MAP3K21: variants seen among roughly 807,000 people sequenced by gnomAD.
MAP3K21 encodes the protein mitogen-activated protein kinase kinase kinase 21.
Under a neutral mutation model 86.1 loss-of-function variants are expected in MAP3K21, and 63 were observed. That is an observed-to-expected ratio of 0.73 (90% CI 0.60 to 0.90). The LOEUF (loss-of-function observed/expected upper bound fraction) is 0.90. Among genes scored for constraint, MAP3K21 ranks in the 40% least tolerant of loss-of-function variants. The probability of loss-of-function intolerance (pLI) is 0.00; values close to 1 mark genes in which losing one functional copy is unlikely to be tolerated. For missense variants in MAP3K21, 1,220 were observed against 1,367.7 expected (o/e 0.89, Z 1.70); for synonymous variants, 558 against 564.8 (o/e 0.99, Z 0.17).
Position 233,382,747 on chromosome 1 carries a change from A to G in MAP3K21, c.*36A>G. 1 of 1,565,938 alleles carries G rather than the reference A, an allele frequency of 6.4e-7. No individual in the cohort carries two copies. Among genetic ancestry groups the G allele is most frequent in the Non-Finnish European group, 8.7e-7 (1 of 1,143,576 alleles). On this transcript the variant is annotated 3_prime_UTR_variant, in exon 10 of 10. Coordinates refer to ENST00000366624, the MANE Select transcript of MAP3K21 (RefSeq NM_032435.3). ...TTACTGTTGTTTAAGCATTTTTTTA[A>G]GGTGAACAAATGAACACAATGTATC... is the stretch of plus-strand genomic sequence containing the variant.
rs1160524491 is a variant in MAP3K21, at chr1:233,379,706, C to G, written c.2700C>G (p.Thr900=). The change falls in exon 9 of 10, where the codon ACC becomes ACG. Residue 900 remains threonine, a synonymous_variant. Coordinates refer to ENST00000366624, the MANE Select transcript of MAP3K21 (RefSeq NM_032435.3). ...HRRTMSDGNP[T]PTGATIISAT... is the part of the protein sequence containing the mutation. ...GGACCATGTCTGATGGAAATCCGAC[C>G]CCAAGTAGGTTGCATTAATTAGGTA... 2.5e-6 allele frequency: 4 copies of G among 1,607,126 alleles called. No individual in the cohort carries two copies.
chr1:233,352,694 G>A (rs1183463305), intron 2 of MAP3K21, among the ~76,000 whole-genome samples: 1 of 152,142 alleles, frequency 6.6e-6, no homozygotes, highest in Non-Finnish European at 1.5e-5. Flanking sequence ...GCCTCCCAAG[G>A]TGCTGGGATT....
rs1262642191 is a variant in MAP3K21, at chr1:233,328,760, A to T, written c.732A>T (p.Ile244=). The change falls in exon 1 of 10, where the codon ATA becomes ATT. Residue 244 remains isoleucine (I), a synonymous_variant. Coordinates refer to ENST00000366624, the MANE Select transcript of MAP3K21 (RefSeq NM_032435.3). The surrounding 1 kb of genome is among the most constrained non-coding windows in gnomAD (Gnocchi z 8.7). The part of the protein sequence containing the change: ...PHVLVNWAVQ[I]ARGMLYLHEE... ...TGCTGGTCAACTGGGCCGTGCAGAT[A>T]GCGCGGGGCATGCTCTACCTGCATG... The T allele has an allele frequency of 8.5e-6, 13 of 1,533,812 alleles. No homozygotes were observed. The highest frequency in any genetic ancestry group is 1.4e-5 in the African/African-American group (1 of 70,450).
chr1:233,352,555 C>T (rs9645291), intron 2 of MAP3K21, among the ~76,000 whole-genome samples: 24,850 of 151,832 alleles, frequency 0.16, 2,130 homozygotes, highest in East Asian at 0.22. Flanking sequence ...CTCAACTTCC[C>T]GAGTTGTTGG....
chr1:233,375,845 G>C (rs1348827889), intron 6 of MAP3K21, 71 bp from the exon 7 acceptor site: 2 of 1,243,052 alleles, frequency 1.6e-6, no homozygotes, highest in African/African-American at 3.0e-5. Flanking sequence ...GATTCATTTA[G>C]CTTTTTTAAC....
chr1:233,348,216 A>G (rs73094916), intron 2 of MAP3K21, among the ~76,000 whole-genome samples: 5,372 of 152,208 alleles, frequency 0.035, 264 homozygotes, highest in African/African-American at 0.1. Context: ...GTTTATTCTG[A>G]ACATTTTATG....
chr1:233,335,177 C>T (rs149796854), intron 1 of MAP3K21, among the ~76,000 whole-genome samples: 14 of 152,148 alleles, frequency 9.2e-5, no homozygotes, highest in African/African-American at 3.1e-4. Flanking sequence ...AATAGAAGCA[C>T]CCCAATGAAG....
At chr1:233,339,006 G>A (rs1043387632) in intron 1 of MAP3K21, among the ~76,000 whole-genome samples, 3 of 152,150 alleles carry the variant, frequency 2.0e-5, no homozygotes, top group Admixed American at 1.3e-4. Context: ...CTGAGTCCTC[G>A]TAGTCTCCAG....
intron 1 of MAP3K21, among the ~76,000 whole-genome samples, chr1:233,339,261 CTTCTTCCTCTTCTTCTTCT>C: frequency 2.3e-5 from 1 of 43,156 alleles, no homozygotes; most frequent in South Asian, 9.7e-4. Context: ...TCTTCTTCTT[CTTCTTCCTCTTCTTCTTCT>C]TCTTCTTCTT....
intron 1 of MAP3K21, among the ~76,000 whole-genome samples, chr1:233,339,328 T>TCC (rs1327391594): frequency 1.9e-4 from 26 of 136,130 alleles, no homozygotes; most frequent in Non-Finnish European, 2.7e-4. Context: ...CTTCTTCTTC[T>TCC]TCCTCTTCTT....
intron 4 of MAP3K21, among the ~76,000 whole-genome samples, chr1:233,357,809 T>C (rs1663392343): frequency 6.6e-6 from 1 of 152,174 alleles, no homozygotes; most frequent in African/African-American, 2.4e-5. Flanking sequence ...ATTCCAGAGT[T>C]ACGCAGTAGG....
At chr1:233,341,177 G>A (rs988760090) in intron 1 of MAP3K21, among the ~76,000 whole-genome samples, 4 of 152,148 alleles carry the variant, frequency 2.6e-5, no homozygotes, top group African/African-American at 9.7e-5. Flanking sequence ...CATTTCTGTG[G>A]CCAAAAAGGT....
chr1:233,379,473 GACAGTGC>G lies in MAP3K21; in HGVS notation c.2470_2476del (p.Ser824LeufsTer125). On this transcript the variant is annotated frameshift_variant, in exon 9 of 10. Coordinates refer to ENST00000366624, the MANE Select transcript of MAP3K21 (RefSeq NM_032435.3). LOFTEE classifies it high-confidence loss of function. The stretch of plus-strand genomic sequence containing the variant: ...GATGGACAGTGAAGATCCACTGGTG[GACAGTGC>G]ACCTGTCACTTGTGACTCTGAGATG... 1.9e-6 allele frequency: 3 copies of G among 1,614,168 alleles called. No individual in the cohort carries two copies. Among genetic ancestry groups the G allele is most frequent in the Non-Finnish European group, 2.5e-6 (3 of 1,180,030 alleles).
chr1:233,372,525 G>A (rs1388484015), intron 6 of MAP3K21: 1 of 282,890 alleles, frequency 3.5e-6, no homozygotes, highest in Admixed American at 5.2e-5. Context: ...CAGGAATTCA[G>A]GATTACTTCT....
At chr1:233,371,880 C>T (rs1472217954) in intron 5 of MAP3K21, among the ~76,000 whole-genome samples, 158 bp from the exon 6 acceptor site, 1 of 151,854 alleles carries the variant, frequency 6.6e-6, no homozygotes, top group Non-Finnish European at 1.5e-5. Context: ...TTGACCTGAA[C>T]CCCGAGAAGT....
Position 233,328,686 on chromosome 1 carries a change from G to A in MAP3K21, c.658G>A (p.Asp220Asn). 4.4e-6 allele frequency: 6 copies of A among 1,357,568 alleles called. No homozygotes were observed. In the South Asian group the frequency reaches 1.1e-4, roughly 26 times the overall value. 84.1% of individuals were successfully genotyped at this position (1,357,568 alleles called of 1,614,324 possible). A position where few individuals can be genotyped will look rare whatever the true frequency, so the allele number is the denominator to read the frequency against. Residue 220 changes from aspartate (D) to asparagine (N), a missense_variant, in exon 1 of 10, where the codon GAC becomes AAC. Coordinates refer to ENST00000366624, the MANE Select transcript of MAP3K21 (RefSeq NM_032435.3). The surrounding 1 kb of genome is among the most constrained non-coding windows in gnomAD (Gnocchi z 8.7). ...GCTGGCCGCTGCCAACGCCGCCCCG[G>A]ACCCGCGCGCGCCCGGCCCCCGCCG... ...RALAAANAAPDPRAPGPRRAR... is the reference protein window; with the variant it reads ...RALAAANAAPNPRAPGPRRAR...
intron 1 of MAP3K21, among the ~76,000 whole-genome samples, chr1:233,345,909 G>A (rs1663131282): frequency 6.6e-6 from 1 of 152,004 alleles, no homozygotes; most frequent in South Asian, 2.1e-4. Context: ...TGACCACTGT[G>A]TTTACTTTTT....
At chr1:233,347,994 T>C (rs958690406) in intron 2 of MAP3K21, among the ~76,000 whole-genome samples, 10 of 152,218 alleles carry the variant, frequency 6.6e-5, no homozygotes, top group Non-Finnish European at 1.0e-4. Context: ...CGTTGAGATA[T>C]GATTCACATA....
rs2102754546 is a variant in MAP3K21 at position 233,328,166 on chromosome 1, C to T, written c.138C>T (p.Leu46=). Residue 46 remains leucine (L), a synonymous_variant, in exon 1 of 10, where the codon CTC becomes CTT. Transcript: ENST00000366624. This position sits in a 1 kb window ranked among gnomAD's most constrained non-coding sequence, Gnocchi z 8.7. ...ASAGAGLWAA[L]YDYEARGEDE... is the part of the protein sequence containing the mutation. ...CGGGCGCGGGGCTGTGGGCCGCGCT[C>T]TATGACTACGAGGCTCGCGGCGAGG... 6.8e-7 allele frequency: 1 copy of T among 1,469,076 alleles called. No homozygotes were observed. The highest frequency in any genetic ancestry group is 8.9e-7 in the Non-Finnish European group (1 of 1,117,368). 91.0% of individuals were successfully genotyped at this position (1,469,076 alleles called of 1,614,324 possible).
Sources: allele counts gnomAD v4.1 joint callset (sites outside exome capture counted in the v4.1 genomes callset), GRCh38; gene constraint gnomAD v4.1.1; non-coding constraint Gnocchi (gnomAD v3.1); transcripts MANE v1.5; gene names NCBI Gene and HGNC (gene_info 2026-07-23, HGNC 2026-07-21).